EIF3L: variants seen among roughly 807,000 people sequenced by gnomAD.
EIF3L encodes eIEF associated protein HSPC021.
In EIF3L, 32 loss-of-function variants were observed where a neutral mutation model predicts 74.6. The ratio of observed to expected loss-of-function variants is 0.43; its 90% confidence interval spans 0.32 to 0.58. The LOEUF (loss-of-function observed/expected upper bound fraction) is 0.58. Ranked by LOEUF, EIF3L falls within the 20% of genes least tolerant of loss-of-function variation. The pLI, the probability that EIF3L is intolerant of heterozygous loss-of-function variation, is 0.06. For synonymous variants in EIF3L, 256 were observed against 254.4 expected (o/e 1.01, Z -0.06); for missense variants, 474 against 707.8 (o/e 0.67, Z 3.75).
At chr22:37,877,026 A>G (rs1165575220) in intron 10 of EIF3L, 3 of 152,436 alleles carry the variant, frequency 2.0e-5, no homozygotes, top group East Asian at 1.9e-4. Flanking sequence ...CTGCAGATAC[A>G]TTCTGAGAAA....
At chr22:37,877,484 C>T (rs1486252342) in intron 10 of EIF3L, 190 bp from the exon 11 acceptor site, 3 of 640,370 alleles carry the variant, frequency 4.7e-6, no homozygotes, top group Non-Finnish European at 5.2e-6. Flanking sequence ...TAAGGAGGAT[C>T]TGGAGCTAGG....
rs1300033114 is a variant in EIF3L, at chr22:37,888,507, G to C, written c.*43G>C. Reference sequence around the variant, plus strand: ...CAGGAACCTGTTTTGATGTATTATAGGCAGGAAGTGTTTTTGCTACCGTGA... The same window carrying C: ...CAGGAACCTGTTTTGATGTATTATACGCAGGAAGTGTTTTTGCTACCGTGA... On this transcript the variant is annotated 3_prime_UTR_variant, in exon 13 of 13. Coordinates refer to ENST00000652021, the MANE Select transcript of EIF3L (RefSeq NM_016091.4). The C allele has an allele frequency of 6.2e-7, 1 of 1,604,284 alleles. No homozygotes were observed. Among genetic ancestry groups the C allele is most frequent in the Non-Finnish European group, 8.5e-7 (1 of 1,173,360 alleles).
At chr22:37,860,879 TC>T (rs1444243781) in intron 5 of EIF3L, among the ~76,000 whole-genome samples, 1 of 152,186 alleles carries the variant, frequency 6.6e-6, no homozygotes, top group Non-Finnish European at 1.5e-5. Context: ...TACCATGACT[TC>T]CCATCACACT....
chr22:37,855,558 T>C lies in EIF3L; in HGVS notation c.294-7T>C. On this transcript the variant is annotated splice_region_variant and splice_polypyrimidine_tract_variant and intron_variant, in intron 3 of 12. Transcript: ENST00000652021. ...GGAATTTTAGAGATTTTTTTCTTGA[T>C]TTTTAGCTGGACCAAGCTGACTGAA... 6.2e-7 allele frequency: 1 copy of C among 1,613,808 alleles called. No homozygotes were observed. Among genetic ancestry groups the C allele is most frequent in the Non-Finnish European group, 8.5e-7 (1 of 1,179,728 alleles).
intron 3 of EIF3L, 77 bp downstream of exon 3, chr22:37,851,567 C>T: frequency 2.3e-6 from 2 of 867,852 alleles, no homozygotes; most frequent in Non-Finnish European, 3.7e-6. Context: ...ATGAGGTGAG[C>T]ACTCTGTAAA....
intron 11 of EIF3L, chr22:37,878,585 T>A (rs1016520402): frequency 3.8e-5 from 6 of 158,700 alleles, no homozygotes; most frequent in African/African-American, 1.4e-4. Flanking sequence ...TGCCTCAGCC[T>A]CCTGAGTAGC....
chr22:37,865,333 G>A (rs1032468985), intron 7 of EIF3L, among the ~76,000 whole-genome samples: 7 of 151,818 alleles, frequency 4.6e-5, no homozygotes, highest in Non-Finnish European at 7.4e-5. Flanking sequence ...GGTGGTGTGC[G>A]CTTGTAATCC....
intron 1 of EIF3L, 174 bp downstream of exon 1, chr22:37,849,656 C>T: frequency 2.9e-6 from 2 of 701,060 alleles, no homozygotes; most frequent in Non-Finnish European, 4.8e-6. Flanking sequence ...TGGCTCTGCC[C>T]GCCCACTTCG....
chr22:37,884,103 C>G (rs1253142515), intron 11 of EIF3L: 1 of 152,190 alleles, frequency 6.6e-6, no homozygotes, highest in East Asian at 1.9e-4. Context: ...CTAGCAAACC[C>G]CTAATCTGCT....
chr22:37,875,436 A>G (rs1254114035), intron 9 of EIF3L, among the ~76,000 whole-genome samples: 3 of 152,104 alleles, frequency 2.0e-5, no homozygotes, highest in East Asian at 1.9e-4. Flanking sequence ...TCATTGATAC[A>G]TGGTTAGCTG....
intron 11 of EIF3L, chr22:37,881,716 C>T (rs1046640450): frequency 8.5e-5 from 13 of 152,178 alleles, no homozygotes; most frequent in African/African-American, 3.1e-4. Flanking sequence ...GCCGTCAGCC[C>T]AGGTTTTCTA....
At chr22:37,878,196 G>A (rs753504443) in intron 11 of EIF3L, 25 bp downstream of exon 11, 16 of 1,569,148 alleles carry the variant, frequency 1.0e-5, no homozygotes, top group Non-Finnish European at 1.4e-5. Context: ...TGGGCTTGGG[G>A]TCTTGTATTA....
intron 4 of EIF3L, 52 bp from the exon 5 acceptor site, chr22:37,858,627 A>C (rs1338934650): frequency 6.5e-7 from 1 of 1,534,880 alleles, no homozygotes; most frequent in Non-Finnish European, 8.9e-7. Flanking sequence ...TAAAGCTGCC[A>C]GGATACCCCA....
rs139049638 is a variant in EIF3L, at chr22:37,878,003, C to T, written c.1407C>T (p.Thr469=). The change falls in exon 11 of 13, where the codon ACC becomes ACT. Residue 469 remains threonine (T), a synonymous_variant. Transcript: ENST00000652021. The part of the protein sequence containing the change: ...TIRSFLKLYT[T]MPVAKLAGFL... ...GCAGCTTCCTGAAGCTCTACACCAC[C>T]ATGCCTGTGGCCAAGCTGGCTGGCT... is the stretch of plus-strand genomic sequence containing the variant. 3 of 1,613,616 alleles carry T rather than the reference C, an allele frequency of 1.9e-6. No individual in the cohort carries two copies. The highest frequency in any genetic ancestry group is 2.5e-6 in the Non-Finnish European group (3 of 1,179,970).
intron 8 of EIF3L, among the ~76,000 whole-genome samples, chr22:37,870,804 C>T (rs1326029054): frequency 1.3e-5 from 2 of 151,904 alleles, no homozygotes; most frequent in Non-Finnish European, 2.9e-5. Context: ...CAATCTGTTG[C>T]AATGTGTTCT....
chr22:37,881,061 G>C (rs973953468), intron 11 of EIF3L: 1 of 152,134 alleles, frequency 6.6e-6, no homozygotes, highest in Non-Finnish European at 1.5e-5. Context: ...TTACAGAGTG[G>C]CTAGTAATAC....
chr22:37,869,225 C>G (rs1926345355), intron 7 of EIF3L, among the ~76,000 whole-genome samples: 2 of 152,206 alleles, frequency 1.3e-5, no homozygotes, highest in African/African-American at 4.8e-5. Context: ...GCCTCCTGGG[C>G]TCAGGCAAAG....
intron 4 of EIF3L, among the ~76,000 whole-genome samples, chr22:37,856,116 G>A (rs1925488702): frequency 1.3e-5 from 2 of 151,856 alleles, no homozygotes; most frequent in African/African-American, 4.8e-5. Flanking sequence ...GAAGTACAGT[G>A]GCACAATCTT....
intron 5 of EIF3L, among the ~76,000 whole-genome samples, chr22:37,861,140 A>G (rs1925833596): frequency 6.6e-6 from 1 of 152,124 alleles, no homozygotes; most frequent in Non-Finnish European, 1.5e-5. Flanking sequence ...GTGTTAATTG[A>G]GCATGTGTGT....
Sources: gnomAD v4.1 joint callset for allele counts (sites outside exome capture counted in the v4.1 genomes callset) on GRCh38, gnomAD v4.1.1 for gene constraint, MANE v1.5 for transcripts, NCBI Gene and HGNC (gene_info 2026-07-23, HGNC 2026-07-21) for gene names.